Variants in SDK1 observed in about 807,000 individuals in gnomAD.
The protein encoded by SDK1 is sidekick cell adhesion molecule 1, also known as protein sidekick-1.
In SDK1, 157 loss-of-function variants were observed where a neutral mutation model predicts 245.5. That is an observed-to-expected ratio of 0.64 (90% CI 0.56 to 0.73). The LOEUF is 0.73. Among genes scored for constraint, SDK1 ranks in the 30% least tolerant of loss-of-function variants. The probability of loss-of-function intolerance (pLI) is 0.00; values close to 1 mark genes in which losing one functional copy is unlikely to be tolerated. For missense variants in SDK1, 3,583 were observed against 3,002.3 expected (o/e 1.19, Z -4.52); for synonymous variants, 1,647 against 1,278.5 (o/e 1.29, Z -6.15).
rs575592969 is a variant in SDK1, at chr7:3,553,375, A to G, written c.299-65705A>G. On this transcript the variant is annotated intron_variant, in intron 1 of 44. Coordinates refer to ENST00000404826, the MANE Select transcript of SDK1 (RefSeq NM_152744.4). ...AGACCTGTTTCTCCCACTTTCTCCC[A>G]ACTAAATACAATGATAGACCCCAGA... is the stretch of plus-strand genomic sequence containing the variant. Among the ~76,000 whole-genome samples, 5 of 152,272 alleles carry G rather than the reference A, an allele frequency of 3.3e-5. No individual in the cohort carries two copies. The South Asian group carries it at 1.0e-3, about 32-fold the overall frequency.
chr7:3,497,656 A>G (rs1029635863), intron 1 of SDK1, among the ~76,000 whole-genome samples: 1 of 152,220 alleles, frequency 6.6e-6, no homozygotes, highest in African/African-American at 2.4e-5. Flanking sequence ...TTAAGATTAT[A>G]TTGTTTGTAG....
intron 5 of SDK1, among the ~76,000 whole-genome samples, chr7:3,883,433 C>CTGTGTGTGTGCACATGCAGGTG (rs1781255221): frequency 6.6e-6 from 1 of 152,150 alleles, no homozygotes; most frequent in Non-Finnish European, 1.5e-5. Context: ...ATGAATCCAG[C>CTGTGTGTGTGCACATGCAGGTG]TGTGTGTGTG....
intron 1 of SDK1, among the ~76,000 whole-genome samples, chr7:3,420,933 G>A (rs994237305): frequency 6.6e-6 from 1 of 152,106 alleles, no homozygotes; most frequent in Non-Finnish European, 1.5e-5. Context: ...AGGCCCCAGT[G>A]TGTGTTGTTC....
chr7:4,110,621 C>A, intron 22 of SDK1, 42 bp from the exon 23 acceptor site: 1 of 1,432,480 alleles, frequency 7.0e-7, no homozygotes, highest in South Asian at 1.1e-5. Flanking sequence ...GCCTCAGTCC[C>A]TAAGGCATGT....
At chr7:3,797,915 A>T (rs1442236679) in intron 4 of SDK1, among the ~76,000 whole-genome samples, 1 of 152,140 alleles carries the variant, frequency 6.6e-6, no homozygotes, top group Non-Finnish European at 1.5e-5. Context: ...AGATCATTCA[A>T]ATCACTTTTT....
intron 5 of SDK1, among the ~76,000 whole-genome samples, chr7:3,945,899 T>TAAAAAAAAAAAAAAAAAAAA (rs754101246): frequency 2.9e-4 from 4 of 13,684 alleles, no homozygotes; most frequent in Non-Finnish European, 3.3e-4. Context: ...ACTCTGTCTG[T>TAAAAAAAAAAAAAAAAAAAA]AAAAAAAAAA....
intron 1 of SDK1, among the ~76,000 whole-genome samples, chr7:3,489,050 A>G (rs1562518044): frequency 1.3e-5 from 2 of 152,088 alleles, no homozygotes; most frequent in African/African-American, 4.8e-5. Flanking sequence ...GTAGAGTGCA[A>G]TGTTGATTCA....
chr7:4,187,484 C>T (rs1367585302), intron 35 of SDK1, among the ~76,000 whole-genome samples: 1 of 152,194 alleles, frequency 6.6e-6, no homozygotes, highest in Non-Finnish European at 1.5e-5. Flanking sequence ...AGATACAGGG[C>T]TCAGGTTGCA....
At chr7:3,842,739 G>A (rs1378946528) in intron 5 of SDK1, among the ~76,000 whole-genome samples, 3 of 152,102 alleles carry the variant, frequency 2.0e-5, no homozygotes, top group Admixed American at 6.5e-5. Flanking sequence ...TGGGAGGGTT[G>A]TGCTCCTTTT....
At position 3,615,036 on chromosome 7, in the gene SDK1, G is replaced by A. The variant is rs148173368; in HGVS notation, c.299-4044G>A. 4.9e-3 allele frequency among the ~76,000 whole-genome samples: 747 copies of A among 151,504 alleles called. 31 individuals are homozygous for A. The highest frequency in any genetic ancestry group is 0.018 in the South Asian group (86 of 4,802). ...TGTAGTATCATTTTAATTCAAATCCGTTGTATACTATATTAAAATGATGAT... is the reference window on the plus strand; with the variant it reads ...TGTAGTATCATTTTAATTCAAATCCATTGTATACTATATTAAAATGATGAT... On this transcript the variant is annotated intron_variant, in intron 1 of 44. Transcript: ENST00000404826.
intron 41 of SDK1, among the ~76,000 whole-genome samples, chr7:4,236,188 A>T (rs1049430728): frequency 2.0e-5 from 3 of 152,302 alleles, no homozygotes; most frequent in South Asian, 2.1e-4. Flanking sequence ...GGCTGCCGTG[A>T]GCCAATGCCT....
At chr7:4,258,080 C>G (rs1393580046) in intron 44 of SDK1, among the ~76,000 whole-genome samples, 8 of 152,222 alleles carry the variant, frequency 5.3e-5, no homozygotes, top group Non-Finnish European at 4.4e-5. Context: ...GTGTCACAGA[C>G]CCTTCTCTTG....
intron 17 of SDK1, among the ~76,000 whole-genome samples, chr7:4,045,854 A>ATTGGCTTTGGTGAAGTAACTATTCGTT (rs1788983655): frequency 3.3e-5 from 5 of 151,960 alleles, no homozygotes; most frequent in Non-Finnish European, 7.4e-5. Context: ...CTGTCGTTCT[A>ATTGGCTTTGGTGAAGTAACTATTCGTT]TTGGCTTTGG....
intron 18 of SDK1, among the ~76,000 whole-genome samples, chr7:4,050,815 CAG>C (rs926469662): frequency 6.7e-6 from 1 of 148,592 alleles, no homozygotes; most frequent in Non-Finnish European, 1.5e-5. Context: ...GCTGAATTAA[CAG>C]ATGGTTTCAT....
At chr7:3,426,444 C>G (rs1779679467) in intron 1 of SDK1, among the ~76,000 whole-genome samples, 1 of 152,190 alleles carries the variant, frequency 6.6e-6, no homozygotes. Context: ...AGGCAAGTCA[C>G]CTTCTCTGCT....
chr7:3,884,132 G>A (rs1781281126), intron 5 of SDK1, among the ~76,000 whole-genome samples: 1 of 151,100 alleles, frequency 6.6e-6, no homozygotes, highest in East Asian at 2.0e-4. Context: ...GCAGGCTGGA[G>A]GGCAGTTGCA....
chr7:4,210,190 G>A (rs1328279932), intron 38 of SDK1, 28 bp downstream of exon 38: 9 of 1,508,758 alleles, frequency 6.0e-6, no homozygotes, highest in Non-Finnish European at 8.0e-6. Context: ...GGAGATGGGA[G>A]CGCGGGCCAC....
intron 1 of SDK1, among the ~76,000 whole-genome samples, chr7:3,391,078 A>G (rs750750364): frequency 8.5e-5 from 13 of 152,176 alleles, no homozygotes; most frequent in Non-Finnish European, 1.5e-4. Context: ...CTTTTATACC[A>G]GGTCACATTT....
intron 5 of SDK1, among the ~76,000 whole-genome samples, chr7:3,883,163 G>T (rs1284005101): frequency 6.6e-6 from 1 of 152,172 alleles, no homozygotes; most frequent in African/African-American, 2.4e-5. Context: ...GATTCACGGG[G>T]TGGCCAGTGG....
Sources: gnomAD v4.1 joint callset for allele counts (sites outside exome capture counted in the v4.1 genomes callset) on GRCh38, gnomAD v4.1.1 for gene constraint, MANE v1.5 for transcripts, NCBI Gene and HGNC (gene_info 2026-07-23, HGNC 2026-07-21) for gene names.